CDS2: variants seen among roughly 807,000 people sequenced by gnomAD.
CDS2 encodes the protein phosphatidate cytidylyltransferase 2.
Under a neutral mutation model 59.0 loss-of-function variants are expected in CDS2, and 47 were observed. That is an observed-to-expected ratio of 0.80 (90% CI 0.63 to 1.02). CDS2 has a LOEUF of 1.02. Ranked by LOEUF, CDS2 falls within the 50% of genes least tolerant of loss-of-function variation. The probability of loss-of-function intolerance (pLI) is 0.00; values close to 1 mark genes in which losing one functional copy is unlikely to be tolerated. For missense variants in CDS2, 356 were observed against 558.9 expected, an observed-to-expected ratio of 0.64 and a Z score of 3.66; for synonymous variants, 207 against 206.4, an observed-to-expected ratio of 1.00 and a Z score of -0.02.
intron 1 of CDS2, among the ~76,000 whole-genome samples, chr20:5,161,351 A>G (rs897090483): frequency 1.3e-5 from 2 of 152,228 alleles, no homozygotes; most frequent in African/African-American, 4.8e-5. Flanking sequence ...TAATTGTTCA[A>G]TAAGCCACAC....
chr20:5,160,988 T>C (rs1256415592), intron 1 of CDS2, among the ~76,000 whole-genome samples: 1 of 152,258 alleles, frequency 6.6e-6, no homozygotes, highest in African/African-American at 2.4e-5. Context: ...TTTTTGTTTA[T>C]TGTGAATAAG....
intron 1 of CDS2, among the ~76,000 whole-genome samples, chr20:5,132,691 G>A (rs189683387): frequency 2.5e-3 from 387 of 152,154 alleles, no homozygotes; most frequent in African/African-American, 8.8e-3. Flanking sequence ...ACAGGGAGAG[G>A]AGGTGAAAGA....
At chr20:5,175,366 G>A (rs2090987495) in intron 3 of CDS2, 87 bp downstream of exon 3, 3 of 1,075,184 alleles carry the variant, frequency 2.8e-6, no homozygotes, top group African/African-American at 3.1e-5. Context: ...TGGGTTGGTT[G>A]TGGGAATTGA....
At chr20:5,173,727 C>A in intron 2 of CDS2, 68 bp downstream of exon 2, 1 of 1,584,976 alleles carries the variant, frequency 6.3e-7, no homozygotes, top group Non-Finnish European at 8.6e-7. Context: ...CCTGGAAGAG[C>A]CTGCAGAGAG....
intron 1 of CDS2, among the ~76,000 whole-genome samples, chr20:5,171,248 C>T (rs113957214): frequency 7.7e-4 from 118 of 152,334 alleles, no homozygotes; most frequent in African/African-American, 2.1e-3. Flanking sequence ...GCCTGGGTTC[C>T]GTTCCTGTCC....
intron 2 of CDS2, among the ~76,000 whole-genome samples, chr20:5,174,176 C>G (rs1030815044): frequency 1.3e-5 from 2 of 152,188 alleles, no homozygotes; most frequent in African/African-American, 4.8e-5. Flanking sequence ...GAACCTGGTT[C>G]TTTTAACACA....
intron 1 of CDS2, among the ~76,000 whole-genome samples, chr20:5,167,863 G>A (rs1384829635): frequency 2.6e-5 from 4 of 152,232 alleles, no homozygotes; most frequent in Non-Finnish European, 5.9e-5. Flanking sequence ...AGGTTATGAA[G>A]TTAGTCAGTG....
At chr20:5,155,468 A>G (rs777617511) in intron 1 of CDS2, among the ~76,000 whole-genome samples, 2 of 152,214 alleles carry the variant, frequency 1.3e-5, no homozygotes, top group Non-Finnish European at 2.9e-5. Flanking sequence ...CTCTTACTGT[A>G]AATATAACTC....
chr20:5,145,665 C>G (rs958883587), intron 1 of CDS2, among the ~76,000 whole-genome samples: 2 of 152,144 alleles, frequency 1.3e-5, no homozygotes, highest in African/African-American at 4.8e-5. Context: ...AATCTCACAT[C>G]CACTGGTGAT....
At chr20:5,157,366 A>G (rs1389946204) in intron 1 of CDS2, among the ~76,000 whole-genome samples, 3 of 152,218 alleles carry the variant, frequency 2.0e-5, no homozygotes, top group African/African-American at 7.2e-5. Flanking sequence ...TGAAAGAAAA[A>G]TGGTTTTAGG....
In CDS2 at chr20:5,197,432, A is replaced by G. The variant is rs1775437254; in HGVS notation, c.*7198A>G. 1 of 115,400 alleles carries G rather than the reference A, an allele frequency of 8.7e-6. No homozygotes were observed. Among genetic ancestry groups the G allele is most frequent in the Non-Finnish European group, 1.9e-5 (1 of 53,272 alleles). 7.1% of individuals were successfully genotyped at this position (115,400 alleles called of 1,614,324 possible). On this transcript the variant is annotated 3_prime_UTR_variant, in exon 13 of 13. Transcript: ENST00000460006. ...CCAGTGTCTGTGCCTCCCAGAGGTC[A>G]GCCGTGTCTGCCCTGGCTCTGTCTC...
intron 1 of CDS2, among the ~76,000 whole-genome samples, chr20:5,132,729 A>T (rs778352890): frequency 2.4e-4 from 36 of 152,138 alleles, no homozygotes; most frequent in Admixed American, 1.1e-3. Context: ...CAATTATTTT[A>T]TGTTTCTTAT....
rs1469124507 is a variant in CDS2, at chr20:5,192,018, A to G, written c.*1784A>G. ...GTGAGGTCCTGGGCACCCCCCAAAC[A>G]GGAAGTGTTTTCAGGCCCTTACATG... On this transcript the variant is annotated 3_prime_UTR_variant, in exon 13 of 13. Transcript: ENST00000460006. 6.6e-6 allele frequency: 1 copy of G among 152,162 alleles called. No homozygotes were observed. Among genetic ancestry groups the G allele is most frequent in the Non-Finnish European group, 1.5e-5 (1 of 68,062 alleles). 9.4% of individuals were successfully genotyped at this position (152,162 alleles called of 1,614,324 possible).
rs1360201843 is a variant in CDS2, at chr20:5,191,433, AT to A, written c.*1202del. 1 of 151,876 alleles carries A rather than the reference AT, an allele frequency of 6.6e-6. No homozygotes were observed. Among genetic ancestry groups the A allele is most frequent in the Non-Finnish European group, 1.5e-5 (1 of 67,978 alleles). 9.4% of individuals were successfully genotyped at this position (151,876 alleles called of 1,614,324 possible). On this transcript the variant is annotated 3_prime_UTR_variant, in exon 13 of 13. Coordinates refer to ENST00000460006, the MANE Select transcript of CDS2 (RefSeq NM_003818.4). ...ACTGTGATTTTTTTTCCCCTCCCTA[AT>A]TTCAGGGGTGAGATTGACTTTGGGA...
intron 1 of CDS2, 75 bp downstream of exon 1, chr20:5,127,224 G>T (rs2090560787): frequency 2.3e-6 from 3 of 1,308,852 alleles, no homozygotes; most frequent in Middle Eastern, 2.1e-4. Context: ...GCGCGCAGAG[G>T]GGTCGTCTTG....
intron 1 of CDS2, 89 bp from the exon 2 acceptor site, chr20:5,173,434 C>T (rs2090970866): frequency 4.1e-6 from 6 of 1,468,088 alleles, no homozygotes; most frequent in African/African-American, 1.4e-5. Context: ...TGGAGTCTTT[C>T]CCCACAGATC....
At chr20:5,156,333 A>G (rs559975283) in intron 1 of CDS2, among the ~76,000 whole-genome samples, 69 of 152,342 alleles carry the variant, frequency 4.5e-4, no homozygotes, top group Middle Eastern at 3.4e-3. Flanking sequence ...GAAGGAAAGC[A>G]GAAGGATGAA....
intron 1 of CDS2, among the ~76,000 whole-genome samples, chr20:5,171,396 C>T (rs111821308): frequency 1.8e-3 from 267 of 152,326 alleles, no homozygotes; most frequent in African/African-American, 6.3e-3. Context: ...CCTGCAGCTT[C>T]TAGAGGCTCC....
chr20:5,183,224 C>T (rs2091043909), intron 7 of CDS2, 81 bp downstream of exon 7: 2 of 1,183,558 alleles, frequency 1.7e-6, no homozygotes, highest in East Asian at 4.8e-5. Flanking sequence ...GCCAGTGGCC[C>T]TCACCTTGAG....
Sources: gnomAD v4.1 joint callset for allele counts (sites outside exome capture counted in the v4.1 genomes callset) on GRCh38, gnomAD v4.1.1 for gene constraint, MANE v1.5 for transcripts, NCBI Gene and HGNC (gene_info 2026-07-23, HGNC 2026-07-21) for gene names.